ENPP2: variants seen among roughly 807,000 people sequenced by gnomAD.
ENPP2 encodes autotaxin.
Under a neutral mutation model 120.2 loss-of-function variants are expected in ENPP2, and 51 were observed. That is an observed-to-expected ratio of 0.42 (90% CI 0.34 to 0.54). The LOEUF is 0.54. Among genes scored for constraint, ENPP2 ranks in the 20% least tolerant of loss-of-function variants. ENPP2 has a pLI of 0.04. For synonymous variants in ENPP2, 365 were observed against 366.4 expected (o/e 1.00, Z 0.04); for missense variants, 920 against 1,066.5 (o/e 0.86, Z 1.91).
intron 22 of ENPP2, among the ~76,000 whole-genome samples, chr8:119,566,814 G>A (rs1379628958): frequency 6.6e-6 from 1 of 152,188 alleles, no homozygotes; most frequent in African/African-American, 2.4e-5. Context: ...GTAATATTGT[G>A]ATAAATGTAA....
At chr8:119,582,702 T>C (rs1812834767) in intron 17 of ENPP2, 100 bp from the exon 18 acceptor site, 1 of 870,298 alleles carries the variant, frequency 1.1e-6, no homozygotes, top group Non-Finnish European at 1.8e-6. Flanking sequence ...CTGAAAACTG[T>C]GAACACAAAT....
intron 8 of ENPP2, among the ~76,000 whole-genome samples, chr8:119,612,869 G>A (rs537551924): frequency 1.3e-5 from 2 of 152,136 alleles, no homozygotes; most frequent in East Asian, 3.9e-4. Flanking sequence ...CAGCCTGGGC[G>A]ACTATACTAA....
chr8:119,573,095 G>C (rs931985891), intron 19 of ENPP2: 17 of 152,192 alleles, frequency 1.1e-4, no homozygotes, highest in Admixed American at 1.0e-3. Context: ...GGGCCCAAGA[G>C]GGGCAGAGAT....
rs749194054 is a variant in ENPP2, at chr8:119,569,220, A to C, written c.2053+15T>G. ...ATCCCTCTGAAGGCATCAGATCTTG[A>C]TATTCTTAACTTACAAGGAGGAAAG... On this transcript the variant is annotated intron_variant, in intron 21 of 24. Coordinates refer to ENST00000075322, the MANE Select transcript of ENPP2 (RefSeq NM_001040092.3). 7.1e-5 allele frequency: 115 copies of C among 1,613,146 alleles called. No homozygotes were observed. The highest frequency in any genetic ancestry group is 9.7e-5 in the Non-Finnish European group (114 of 1,179,306).
chr8:119,640,187 T>C (rs998188216), upstream of ENPP2, among the ~76,000 whole-genome samples: 17 of 152,240 alleles, frequency 1.1e-4, no homozygotes, highest in African/African-American at 3.9e-4. Flanking sequence ...AACTGTTAAT[T>C]GCCTTTCTAA....
chr8:119,620,280 G>A (rs1006100244), intron 4 of ENPP2, among the ~76,000 whole-genome samples: 2 of 152,132 alleles, frequency 1.3e-5, no homozygotes, highest in Non-Finnish European at 2.9e-5. Flanking sequence ...ATTTCTAACA[G>A]CCTTTGTGGC....
chr8:119,571,385 A>C (rs1461437656), intron 19 of ENPP2: 2 of 152,248 alleles, frequency 1.3e-5, no homozygotes, highest in African/African-American at 4.8e-5. Context: ...GTAAGAACTT[A>C]AAGGAACATG....
chr8:119,626,407 G>C (rs751105761), intron 3 of ENPP2, among the ~76,000 whole-genome samples, 158 bp downstream of exon 3: 1 of 152,164 alleles, frequency 6.6e-6, no homozygotes, highest in African/African-American at 2.4e-5. Context: ...CATTGACATA[G>C]GGTATGCTCT....
chr8:119,584,525 C>T (rs186057178), intron 15 of ENPP2, among the ~76,000 whole-genome samples: 28 of 152,106 alleles, frequency 1.8e-4, no homozygotes, highest in East Asian at 1.2e-3. Context: ...AATAAATTTG[C>T]GATGTTTAAA....
chr8:119,667,284 C>T (rs771946631), intron 1 of ENPP2, among the ~76,000 whole-genome samples: 2 of 152,224 alleles, frequency 1.3e-5, no homozygotes, highest in Non-Finnish European at 2.9e-5. Flanking sequence ...TCCTGCCTCT[C>T]CAACTTTTCC....
intron 3 of ENPP2, among the ~76,000 whole-genome samples, chr8:119,625,409 G>A (rs375642281): frequency 6.6e-5 from 10 of 152,170 alleles, no homozygotes; most frequent in South Asian, 4.1e-4. Flanking sequence ...TTGCAGGGAC[G>A]CAGGAGGAAA....
chr8:119,639,302 G>T (rs1021646925), upstream of ENPP2, among the ~76,000 whole-genome samples: 39 of 151,952 alleles, frequency 2.6e-4, no homozygotes, highest in Non-Finnish European at 1.0e-4. Flanking sequence ...ACCTAATAAC[G>T]TTCCTGTCTT....
intron 18 of ENPP2, chr8:119,580,584 C>A: frequency 5.6e-6 from 1 of 177,234 alleles, no homozygotes; most frequent in Admixed American, 5.8e-5. Flanking sequence ...CGTAATGACT[C>A]AGCAATTCTG....
chr8:119,659,334 A>AAAAAAC (rs58435393), intron 1 of ENPP2, among the ~76,000 whole-genome samples: 5 of 130,794 alleles, frequency 3.8e-5, no homozygotes, highest in Admixed American at 1.6e-4. Flanking sequence ...AAAAAAAAAA[A>AAAAAAC]AAACCAGAGT....
chr8:119,623,213 C>A lies in ENPP2; in HGVS notation c.293-1694G>T, dbSNP rs566520269. Among the ~76,000 whole-genome samples the A allele has an allele frequency of 3.3e-5, 5 of 152,182 alleles. No individual in the cohort carries two copies. The East Asian group carries it at 7.8e-4, about 24-fold the overall frequency. ...AGGCTCAGTGGCTCATGTCTGTAAT[C>A]CCAGCACTTTGGGAGGCCGAGGCAG... On this transcript the variant is annotated intron_variant, in intron 3 of 24. Transcript: ENST00000075322.
chr8:119,573,407 T>TAAAAAAAAAAAAGAAAAAAAAAA (rs1563680979), intron 19 of ENPP2, among the ~76,000 whole-genome samples: 1 of 71,502 alleles, frequency 1.4e-5, no homozygotes, highest in African/African-American at 7.1e-5. Flanking sequence ...GCTCCGTCTC[T>TAAAAAAAAAAAAGAAAAAAAAAA]TAAAAAAAAA....
intron 11 of ENPP2, among the ~76,000 whole-genome samples, chr8:119,594,727 C>A (rs901474856): frequency 6.6e-6 from 1 of 151,592 alleles, no homozygotes; most frequent in African/African-American, 2.4e-5. Flanking sequence ...TCTGATCAGA[C>A]AAAGAATAGA....
Position 119,590,614 on chromosome 8 carries a change from T to A in ENPP2, c.1098A>T (p.Thr366=). The change falls in exon 13 of 25, where the codon ACA becomes ACT. Residue 366 remains threonine (T), a synonymous_variant. Transcript: ENST00000075322. ...TACTCAAGAACTCAGTTCTATCACA[T>A]GTGACATCTTCCATTCCTATGGGGA... ...FVGDHGMEDV[T]CDRTEFLSNY... is the part of the protein sequence containing the mutation. The A allele has an allele frequency of 6.4e-7, 1 of 1,560,042 alleles. No individual in the cohort carries two copies. The highest frequency in any genetic ancestry group is 8.7e-7 in the Non-Finnish European group (1 of 1,152,860).
intron 13 of ENPP2, 103 bp downstream of exon 13, chr8:119,590,402 G>A: frequency 1.1e-6 from 1 of 903,848 alleles, no homozygotes; most frequent in Admixed American, 3.4e-5. Context: ...AGCGGTAGCA[G>A]AGCCAGAATT....
Sources: allele counts gnomAD v4.1 joint callset (sites outside exome capture counted in the v4.1 genomes callset), GRCh38; gene constraint gnomAD v4.1.1; transcripts MANE v1.5; gene names NCBI Gene and HGNC (gene_info 2026-07-23, HGNC 2026-07-21).